Variants in CTNNA2 observed in about 807,000 individuals in gnomAD.
CTNNA2 encodes catenin alpha-2.
A neutral mutation model predicts 101.0 loss-of-function variants in CTNNA2; 42 were observed. The observed-to-expected ratio is 0.42, with a 90% CI of 0.32 to 0.54. CTNNA2 has a LOEUF of 0.54. Among genes scored for constraint, CTNNA2 ranks in the 20% least tolerant of loss-of-function variants. CTNNA2 has a pLI of 0.14. For synonymous variants in CTNNA2, 450 were observed against 456.4 expected, an observed-to-expected ratio of 0.99 and a Z score of 0.18; for missense variants, 871 against 1,223.1, an observed-to-expected ratio of 0.71 and a Z score of 4.29.
chr2:79,242,280 C>G (rs1473321731), intron 2 of CTNNA2, among the ~76,000 whole-genome samples: 1 of 152,118 alleles, frequency 6.6e-6, no homozygotes, highest in Non-Finnish European at 1.5e-5. Flanking sequence ...CTGATTGGTA[C>G]TAGCATATCT....
intron 9 of CTNNA2, among the ~76,000 whole-genome samples, chr2:80,494,740 TCTA>T (rs1687321205): frequency 6.6e-6 from 1 of 152,016 alleles, no homozygotes; most frequent in Non-Finnish European, 1.5e-5. Flanking sequence ...AAAGATAATT[TCTA>T]ATAAAAGGCA....
intron 7 of CTNNA2, among the ~76,000 whole-genome samples, chr2:80,083,110 G>A (rs1315480301): frequency 6.6e-6 from 1 of 151,986 alleles, no homozygotes; most frequent in African/African-American, 2.4e-5. Context: ...CTGGAACCTG[G>A]ACATTCAAGA....
intron 3 of CTNNA2, among the ~76,000 whole-genome samples, chr2:79,782,092 CATTT>C (rs1252603381): frequency 6.6e-6 from 1 of 152,074 alleles, no homozygotes; most frequent in East Asian, 1.9e-4. Flanking sequence ...GGTTTAGTGG[CATTT>C]ATTGCTTATC....
intron 4 of CTNNA2, among the ~76,000 whole-genome samples, chr2:79,398,756 C>CA (rs1247630732): frequency 2.0e-5 from 3 of 148,898 alleles, no homozygotes; most frequent in South Asian, 2.1e-4. Context: ...ATATTGGCCC[C>CA]AAAAAAACCT....
intron 1 of CTNNA2, among the ~76,000 whole-genome samples, chr2:79,516,833 C>G (rs1012375611): frequency 2.0e-4 from 31 of 152,256 alleles, no homozygotes; most frequent in African/African-American, 7.5e-4. Flanking sequence ...CTAGAACTCT[C>G]CCTCATTTTT....
intron 7 of CTNNA2, among the ~76,000 whole-genome samples, chr2:80,267,134 C>T (rs1406070077): frequency 6.6e-6 from 1 of 152,152 alleles, no homozygotes; most frequent in Non-Finnish European, 1.5e-5. Flanking sequence ...ATTAGGCTTT[C>T]ACTCACATTC....
chr2:80,482,592 A>G (rs547278013), intron 9 of CTNNA2, among the ~76,000 whole-genome samples: 5 of 152,338 alleles, frequency 3.3e-5, no homozygotes, highest in Admixed American at 2.0e-4. Flanking sequence ...TCCAAGGGCC[A>G]TAGCTTGCTG....
chr2:80,535,410 T>C (rs1333628272), intron 9 of CTNNA2, among the ~76,000 whole-genome samples: 1 of 152,174 alleles, frequency 6.6e-6, no homozygotes, highest in Admixed American at 6.6e-5. Flanking sequence ...GTAACATTTG[T>C]CAAGTCATTA....
At chr2:80,258,983 T>G (rs1672388318) in intron 7 of CTNNA2, among the ~76,000 whole-genome samples, 1 of 152,138 alleles carries the variant, frequency 6.6e-6, no homozygotes, top group Non-Finnish European at 1.5e-5. Context: ...GGAGAAGTGC[T>G]TTGGATAATG....
chr2:79,768,089 G>A (rs1303791526), intron 3 of CTNNA2, among the ~76,000 whole-genome samples: 1 of 151,722 alleles, frequency 6.6e-6, no homozygotes, highest in Non-Finnish European at 1.5e-5. Context: ...GAGATCTGTG[G>A]TTCACCCTGG....
chr2:79,443,632 A>G (rs1016124762), intron 4 of CTNNA2, among the ~76,000 whole-genome samples: 1 of 152,114 alleles, frequency 6.6e-6, no homozygotes, highest in Admixed American at 6.6e-5. Flanking sequence ...AACTATAGAA[A>G]TTCAAAACCT....
chr2:79,704,510 CTTTTT>C (rs780311540), intron 2 of CTNNA2, among the ~76,000 whole-genome samples: 2 of 127,568 alleles, frequency 1.6e-5, no homozygotes, highest in Non-Finnish European at 3.3e-5. Context: ...ACTTGTGCTT[CTTTTT>C]TTTTTTTTTT....
intron 7 of CTNNA2, among the ~76,000 whole-genome samples, chr2:80,295,004 C>T (rs1301952647): frequency 6.6e-6 from 1 of 151,972 alleles, no homozygotes; most frequent in Non-Finnish European, 1.5e-5. Context: ...GATCTTGAAA[C>T]TCTCTCCTCT....
Position 79,663,636 on chromosome 2 carries a change from T to C in CTNNA2, c.102+11978T>C, listed in dbSNP as rs77392524. 6.5e-3 allele frequency among the ~76,000 whole-genome samples: 976 copies of C among 150,160 alleles called. 10 individuals are homozygous for C. The highest frequency in any genetic ancestry group is 0.021 in the African/African-American group (872 of 41,344). ...TCACAGAGACCTTTTCTGACCACTC[T>C]TTTTTTTTAAAGTACATGCCTCCTG... On this transcript the variant is annotated intron_variant, in intron 2 of 18. Coordinates refer to ENST00000402739, the MANE Select transcript of CTNNA2 (RefSeq NM_001282597.3).
chr2:79,270,701 G>A (rs1206109426), intron 2 of CTNNA2, among the ~76,000 whole-genome samples: 1 of 151,822 alleles, frequency 6.6e-6, no homozygotes, highest in Non-Finnish European at 1.5e-5. Context: ...GTCCCACTCT[G>A]AAAAAATGCA....
chr2:79,435,895 C>T (rs1024782731), intron 4 of CTNNA2, among the ~76,000 whole-genome samples: 1 of 152,140 alleles, frequency 6.6e-6, no homozygotes, highest in Admixed American at 6.5e-5. Context: ...TTGAGCAGAA[C>T]ATTTCTTAGA....
intron 9 of CTNNA2, among the ~76,000 whole-genome samples, chr2:80,524,229 A>C (rs758673943): frequency 5.1e-4 from 77 of 152,160 alleles, no homozygotes; most frequent in Non-Finnish European, 1.1e-3. Context: ...CTTCACCTCC[A>C]AGTGTTCTCA....
chr2:80,297,483 T>G (rs1221125913), intron 7 of CTNNA2, among the ~76,000 whole-genome samples: 1 of 152,092 alleles, frequency 6.6e-6, no homozygotes, highest in Non-Finnish European at 1.5e-5. Context: ...TCCATCTCAT[T>G]TATATCTTTG....
chr2:80,419,666 A>G (rs1573996035), intron 9 of CTNNA2, 65 bp downstream of exon 9: 2 of 1,481,556 alleles, frequency 1.3e-6, no homozygotes, highest in East Asian at 2.3e-5. Flanking sequence ...TATGGCTCTT[A>G]GAATTTCACT....
Sources: gnomAD v4.1 joint callset for allele counts (sites outside exome capture counted in the v4.1 genomes callset) on GRCh38, gnomAD v4.1.1 for gene constraint, MANE v1.5 for transcripts, NCBI Gene and HGNC (gene_info 2026-07-23, HGNC 2026-07-21) for gene names.